The following KCNN2 variants were observed in gnomAD, a reference collection of about 807,000 sequenced individuals.
The protein encoded by KCNN2 is potassium calcium-activated channel subfamily N member 2, also known as small conductance calcium-activated potassium channel protein 2.
Under a neutral mutation model 55.5 loss-of-function variants are expected in KCNN2, and 24 were observed. That is an observed-to-expected ratio of 0.43 (90% CI 0.31 to 0.61). The LOEUF (loss-of-function observed/expected upper bound fraction) is 0.61, where lower values mean the gene tolerates loss of function less well. Ranked by LOEUF, KCNN2 falls within the 20% of genes least tolerant of loss-of-function variation. KCNN2 has a pLI of 0.08. For synonymous variants in KCNN2, 431 were observed against 336.1 expected, an observed-to-expected ratio of 1.28 and a Z score of -3.09; for missense variants, 754 against 853.6, an observed-to-expected ratio of 0.88 and a Z score of 1.45.
At chr5:114,100,314 C>G (rs1190903357) in intron 1 of KCNN2, among the ~76,000 whole-genome samples, 1 of 152,060 alleles carries the variant, frequency 6.6e-6, no homozygotes, top group Non-Finnish European at 1.5e-5. Flanking sequence ...CTCTAGCTTT[C>G]TTCCCTTAGT....
chr5:114,430,081 C>T (rs1355564055), intron 3 of KCNN2, among the ~76,000 whole-genome samples: 1 of 151,956 alleles, frequency 6.6e-6, no homozygotes, highest in Non-Finnish European at 1.5e-5. Flanking sequence ...ACTTATTCTT[C>T]TCCTTCAAAA....
intron 2 of KCNN2, among the ~76,000 whole-genome samples, chr5:114,306,872 T>C (rs1397430084): frequency 6.6e-6 from 1 of 151,912 alleles, no homozygotes; most frequent in Non-Finnish European, 1.5e-5. Flanking sequence ...AGCTAAGTTT[T>C]TGTATTTTTT....
chr5:114,089,391 A>G (rs1457467030), intron 1 of KCNN2, among the ~76,000 whole-genome samples: 1 of 152,172 alleles, frequency 6.6e-6, no homozygotes, highest in Non-Finnish European at 1.5e-5. Context: ...GACGTCTTCA[A>G]TCTGGCTCAC....
intron 2 of KCNN2, among the ~76,000 whole-genome samples, chr5:114,379,796 ATATAT>A (rs1337117998): frequency 7.0e-6 from 1 of 143,026 alleles, no homozygotes; most frequent in African/African-American, 2.5e-5. Context: ...TATTTATAGA[ATATAT>A]TATATAACAT....
intron 2 of KCNN2, among the ~76,000 whole-genome samples, chr5:114,372,120 G>A (rs1313786708): frequency 6.6e-6 from 1 of 152,180 alleles, no homozygotes; most frequent in Non-Finnish European, 1.5e-5. Context: ...GTGTGTGGAT[G>A]ATCTATGGAA....
intron 1 of KCNN2, among the ~76,000 whole-genome samples, chr5:114,140,897 T>C (rs1356472490): frequency 6.6e-6 from 1 of 151,542 alleles, no homozygotes; most frequent in Non-Finnish European, 1.5e-5. Context: ...GAATCAATTC[T>C]CCTGCCTCAG....
At chr5:114,435,856 G>T (rs1039788730) in intron 3 of KCNN2, among the ~76,000 whole-genome samples, 3 of 151,962 alleles carry the variant, frequency 2.0e-5, no homozygotes, top group African/African-American at 7.3e-5. Context: ...CTATATTTTG[G>T]GTTATCTTCA....
intron 1 of KCNN2, among the ~76,000 whole-genome samples, chr5:114,145,218 G>T (rs1381141330): frequency 3.9e-5 from 6 of 152,214 alleles, no homozygotes; most frequent in Non-Finnish European, 5.9e-5. Flanking sequence ...ATATTATAGA[G>T]AAAATGTTGA....
At chr5:114,079,701 A>C (rs1306165809) in intron 1 of KCNN2, among the ~76,000 whole-genome samples, 3 of 152,168 alleles carry the variant, frequency 2.0e-5, no homozygotes. Context: ...CATAGTAGGC[A>C]CTTAGTAAGT....
In KCNN2 at chr5:114,373,645, T is replaced by TATATATATATATATATAC. The variant is rs1198304647; in HGVS notation, c.1218+9657_1218+9658insTATACATATATATATATA. ...ATGGTGTTGTTATGAAGATTTTATA[T>TATATATATATATATATAC]ATATATATATATAAAATTACTTGGA... On this transcript the variant is annotated intron_variant, in intron 2 of 7. Coordinates refer to ENST00000673685, the MANE Select transcript of KCNN2 (RefSeq NM_021614.4). Among the ~76,000 whole-genome samples the TATATATATATATATATAC allele has an allele frequency of 8.5e-4, 89 of 105,098 alleles. 9 individuals carry two copies. The highest frequency in any genetic ancestry group is 2.8e-3 in the African/African-American group (86 of 30,688). 68.9% of individuals were successfully genotyped at this position (105,098 alleles called of 152,430 possible).
chr5:114,246,284 TG>T (rs1271567454), intron 2 of KCNN2, among the ~76,000 whole-genome samples: 1 of 152,194 alleles, frequency 6.6e-6, no homozygotes, highest in African/African-American at 2.4e-5. Flanking sequence ...AACTATAATG[TG>T]GGATGATTAT....
intron 1 of KCNN2, among the ~76,000 whole-genome samples, chr5:114,185,185 G>A (rs540269719): frequency 1.3e-5 from 2 of 152,312 alleles, no homozygotes; most frequent in Non-Finnish European, 2.9e-5. Context: ...CTAGGAGTAA[G>A]TAGAACTCAG....
intron 2 of KCNN2, among the ~76,000 whole-genome samples, chr5:114,238,990 C>T (rs967183545): frequency 1.3e-5 from 2 of 152,086 alleles, no homozygotes; most frequent in Admixed American, 6.6e-5. Context: ...ACAGCATGCT[C>T]AATGTGGTTT....
At chr5:114,213,210 T>C (rs530835175) in intron 1 of KCNN2, among the ~76,000 whole-genome samples, 27 of 152,062 alleles carry the variant, frequency 1.8e-4, no homozygotes, top group Admixed American at 7.9e-4. Context: ...TATTTCATGA[T>C]GTTGGGGCAT....
chr5:114,328,152 G>GT (rs1396738738), intron 2 of KCNN2, among the ~76,000 whole-genome samples: 1 of 152,046 alleles, frequency 6.6e-6, no homozygotes, highest in Admixed American at 6.6e-5. Flanking sequence ...GGTGGCTTTT[G>GT]TTTTTTTGGT....
At position 114,247,668 on chromosome 5, in the gene KCNN2, G is replaced by A. The variant is rs572734330; in HGVS notation, c.-185+26103G>A. On this transcript the variant is annotated intron_variant, in intron 2 of 10. Coordinates refer to the KCNN2 transcript ENST00000512097. ...TGCTAAGAGCATGCTCACGTACCCC[G>A]TTCCATGATGGGATTTGTCAGACTA... Among the ~76,000 whole-genome samples the A allele has an allele frequency of 5.3e-5, 8 of 152,236 alleles. No individual in the cohort carries two copies. In the South Asian group the frequency reaches 8.3e-4, roughly 16 times the overall value.
At chr5:114,248,010 C>G (rs979599478) in intron 2 of KCNN2, among the ~76,000 whole-genome samples, 6 of 152,294 alleles carry the variant, frequency 3.9e-5, no homozygotes, top group Admixed American at 2.6e-4. Flanking sequence ...TGACTTAGAA[C>G]AGAACTCTAG....
At chr5:114,383,312 A>C (rs796619176) in intron 2 of KCNN2, among the ~76,000 whole-genome samples, 1 of 152,104 alleles carries the variant, frequency 6.6e-6, no homozygotes, top group Non-Finnish European at 1.5e-5. Flanking sequence ...GATTCTCTCA[A>C]ATATTAGATG....
At chr5:114,158,754 T>C (rs1752696706) in intron 1 of KCNN2, among the ~76,000 whole-genome samples, 1 of 151,762 alleles carries the variant, frequency 6.6e-6, no homozygotes, top group Non-Finnish European at 1.5e-5. Flanking sequence ...TATTTTATTC[T>C]CTTTGAAGCA....
Sources: gnomAD v4.1 joint callset for allele counts (sites outside exome capture counted in the v4.1 genomes callset) on GRCh38, gnomAD v4.1.1 for gene constraint, MANE v1.5 for transcripts, NCBI Gene and HGNC (gene_info 2026-07-23, HGNC 2026-07-21) for gene names.